ADAM23: variants seen among roughly 807,000 people sequenced by gnomAD.
ADAM23 encodes disintegrin and metalloproteinase domain-containing protein 23.
A neutral mutation model predicts 120.1 loss-of-function variants in ADAM23; 33 were observed. The observed-to-expected ratio is 0.27, with a 90% CI of 0.21 to 0.37. The LOEUF (loss-of-function observed/expected upper bound fraction) is 0.37. Ranked by LOEUF, ADAM23 falls within the 10% of genes least tolerant of loss-of-function variation. ADAM23 has a pLI of 1.00. For missense variants in ADAM23, 862 were observed against 1,058.2 expected (o/e 0.81, Z 2.57); for synonymous variants, 367 against 375.2 (o/e 0.98, Z 0.25).
intron 12 of ADAM23, among the ~76,000 whole-genome samples, chr2:206,561,634 TCTAC>T (rs3836086): frequency 1.3e-5 from 2 of 152,184 alleles, no homozygotes; most frequent in Non-Finnish European, 2.9e-5. Context: ...TTTCATGCCT[TCTAC>T]CTACCTATCT....
chr2:206,449,667 G>C (rs1173748374), intron 2 of ADAM23, among the ~76,000 whole-genome samples: 1 of 152,256 alleles, frequency 6.6e-6, no homozygotes, highest in East Asian at 1.9e-4. Context: ...CTACTCGGGA[G>C]ACTGAGGCAT....
rs11886237 is a variant in ADAM23, at chr2:206,617,464, C to T, written c.2451-115C>T. On this transcript the variant is annotated intron_variant, in intron 25 of 25. Coordinates refer to ENST00000264377, the MANE Select transcript of ADAM23 (RefSeq NM_003812.4). ...AGACTGCCTCCATGTGAGTTAATTA[C>T]TTTGCTCTGGAACTAGCATTATTGT... The T allele has an allele frequency of 1.6e-3, 1,853 of 1,191,450 alleles. 30 individuals are homozygous for T. In the African/African-American group the frequency reaches 0.026, roughly 17 times the overall value. The allele number at this position is 1,191,450 out of a possible 1,614,324, so 73.8% of individuals were successfully genotyped here. A position where few individuals can be genotyped will look rare whatever the true frequency, so the allele number is the denominator to read the frequency against.
chr2:206,575,703 T>C (rs890414098), intron 18 of ADAM23, among the ~76,000 whole-genome samples: 1 of 152,186 alleles, frequency 6.6e-6, no homozygotes. Context: ...GTTCAGGCTA[T>C]AGCAACAGGT....
At chr2:206,525,228 G>A (rs897338828) in intron 3 of ADAM23, among the ~76,000 whole-genome samples, 3 of 152,138 alleles carry the variant, frequency 2.0e-5, no homozygotes, top group Non-Finnish European at 4.4e-5. Context: ...AAGAAATGCT[G>A]TGTGGGCCTC....
chr2:206,510,815 G>A (rs1258885615), intron 3 of ADAM23, among the ~76,000 whole-genome samples: 3 of 152,110 alleles, frequency 2.0e-5, no homozygotes, highest in African/African-American at 2.4e-5. Flanking sequence ...TAGAGAGCTC[G>A]CTTTTTCAGC....
chr2:206,609,809 A>G, intron 24 of ADAM23, 101 bp from the exon 25 acceptor site: 1 of 905,220 alleles, frequency 1.1e-6, no homozygotes, highest in Non-Finnish European at 1.7e-6. Context: ...GCCGTCTTTT[A>G]CACAGGATAT....
chr2:206,581,386 A>G (rs569583915), intron 18 of ADAM23, among the ~76,000 whole-genome samples: 2 of 152,208 alleles, frequency 1.3e-5, no homozygotes, highest in East Asian at 3.9e-4. Flanking sequence ...TGTTAGCACC[A>G]CCTTTGCTGT....
At chr2:206,559,844 C>A in intron 10 of ADAM23, 111 bp from the exon 11 acceptor site, 2 of 860,706 alleles carry the variant, frequency 2.3e-6, no homozygotes, top group African/African-American at 1.7e-5. Flanking sequence ...TAATTATGAC[C>A]CCGTGTTCTC....
chr2:206,540,215 G>GTA (rs1171412356), intron 4 of ADAM23, among the ~76,000 whole-genome samples: 7 of 91,240 alleles, frequency 7.7e-5, no homozygotes, highest in African/African-American at 1.1e-4. Flanking sequence ...GCCCTTCACT[G>GTA]TACACACACA....
chr2:206,470,978 A>ATAAGT (rs1695645911), intron 2 of ADAM23, among the ~76,000 whole-genome samples: 1 of 152,238 alleles, frequency 6.6e-6, no homozygotes, highest in Admixed American at 6.5e-5. Context: ...GAGCAGTCTC[A>ATAAGT]TAAGCAGAGC....
In ADAM23 at chr2:206,452,694, A is replaced by G. The variant is rs78329902; in HGVS notation, c.432+7170A>G. Among the ~76,000 whole-genome samples, 1,390 of 152,306 alleles carry G rather than the reference A, an allele frequency of 9.1e-3. 11 individuals are homozygous for G. Among genetic ancestry groups the G allele is most frequent in the African/African-American group, 0.032 (1,321 of 41,556 alleles). On this transcript the variant is annotated intron_variant, in intron 2 of 25. Coordinates refer to ENST00000264377, the MANE Select transcript of ADAM23 (RefSeq NM_003812.4). ...AAAATAACCCAGGAGCATTTGCCCAATGGTGATGCCCTGTGTGAAGGTAAA... is the reference window on the plus strand; with the variant it reads ...AAAATAACCCAGGAGCATTTGCCCAGTGGTGATGCCCTGTGTGAAGGTAAA...
At chr2:206,601,463 A>G (rs1698638690) in intron 24 of ADAM23, among the ~76,000 whole-genome samples, 1 of 152,110 alleles carries the variant, frequency 6.6e-6, no homozygotes, top group Non-Finnish European at 1.5e-5. Context: ...CTGTTATTCC[A>G]TACTCCTGTT....
At chr2:206,576,210 T>G (rs2105835480) in intron 18 of ADAM23, among the ~76,000 whole-genome samples, 1 of 152,310 alleles carries the variant, frequency 6.6e-6, no homozygotes, top group Admixed American at 6.5e-5. Flanking sequence ...ATACACTGTT[T>G]CAGAGTTATA....
At chr2:206,554,855 C>T (rs1414624439) in intron 9 of ADAM23, among the ~76,000 whole-genome samples, 1 of 152,134 alleles carries the variant, frequency 6.6e-6, no homozygotes, top group Non-Finnish European at 1.5e-5. Context: ...ATCTAGTGGT[C>T]ATTGTTCTGT....
intron 3 of ADAM23, among the ~76,000 whole-genome samples, chr2:206,513,892 A>G (rs1193524421): frequency 6.6e-6 from 1 of 152,188 alleles, no homozygotes; most frequent in African/African-American, 2.4e-5. Flanking sequence ...TGCTCCATAA[A>G]TGGAACAACA....
At chr2:206,491,999 A>C (rs1025347702) in intron 3 of ADAM23, among the ~76,000 whole-genome samples, 1 of 152,174 alleles carries the variant, frequency 6.6e-6, no homozygotes, top group South Asian at 2.1e-4. Context: ...TTTATTTCAC[A>C]AATGTTTATT....
chr2:206,491,872 T>C (rs1696141894), intron 3 of ADAM23, among the ~76,000 whole-genome samples: 1 of 152,226 alleles, frequency 6.6e-6, no homozygotes, highest in Admixed American at 6.5e-5. Flanking sequence ...TTATTTTTCT[T>C]AAATGGGTTT....
In ADAM23 at chr2:206,594,820, T is replaced by A; in HGVS notation, c.2162T>A (p.Leu721Ter). The A allele has an allele frequency of 6.2e-7, 1 of 1,614,232 alleles. No homozygotes were observed. The highest frequency in any genetic ancestry group is 8.5e-7 in the Non-Finnish European group (1 of 1,180,038). Reference sequence around the variant, plus strand: ...CCATGTGGCCCGTCTATGATGTGTTTAGATCGGAAGTGCCTACAAATTCAA... The same window carrying A: ...CCATGTGGCCCGTCTATGATGTGTTAAGATCGGAAGTGCCTACAAATTCAA... The part of the protein sequence containing the change: ...GTPCGPSMMC[L>*]DRKCLQIQAL... Residue 721 changes from leucine (L) to a stop codon, truncating the protein, a stop_gained, in exon 23 of 26, where the codon TTA (leucine) becomes TAA (stop). Transcript: ENST00000264377. LOFTEE classifies it high-confidence loss of function.
intron 18 of ADAM23, among the ~76,000 whole-genome samples, chr2:206,583,298 C>CA (rs1180555869): frequency 1.3e-5 from 2 of 152,008 alleles, no homozygotes; most frequent in African/African-American, 4.8e-5. Context: ...ACTAAAAATA[C>CA]AAAAAATTAG....
Sources: allele counts gnomAD v4.1 joint callset (sites outside exome capture counted in the v4.1 genomes callset), GRCh38; gene constraint gnomAD v4.1.1; transcripts MANE v1.5; gene names NCBI Gene and HGNC (gene_info 2026-07-23, HGNC 2026-07-21).